EXT1: variants seen among roughly 807,000 people sequenced by gnomAD.
The protein encoded by EXT1 is exostosin-1.
In EXT1, 20 loss-of-function variants were observed where a neutral mutation model predicts 82.5. The ratio of observed to expected loss-of-function variants is 0.24; its 90% CI spans 0.17 to 0.35. The LOEUF is 0.35. Among genes scored for constraint, EXT1 ranks in the 10% least tolerant of loss-of-function variants. The pLI, the probability that EXT1 is intolerant of heterozygous loss-of-function variation, is 1.00. For synonymous variants in EXT1, 348 were observed against 350.8 expected, an observed-to-expected ratio of 0.99 and a Z score of 0.09; for missense variants, 757 against 936.5, an observed-to-expected ratio of 0.81 and a Z score of 2.50.
chr8:118,027,643 T>C (rs1053485202), intron 1 of EXT1, among the ~76,000 whole-genome samples: 3 of 152,224 alleles, frequency 2.0e-5, no homozygotes, highest in East Asian at 1.9e-4. Context: ...CTCTTAGCAA[T>C]TGTCTAGAGA....
chr8:118,041,800 T>C (rs1240650294), intron 1 of EXT1, among the ~76,000 whole-genome samples: 1 of 151,794 alleles, frequency 6.6e-6, no homozygotes, highest in Non-Finnish European at 1.5e-5. Context: ...ATACAAAAAT[T>C]AGCTCGGCGT....
intron 1 of EXT1, among the ~76,000 whole-genome samples, chr8:117,861,504 T>G (rs1253292166): frequency 0.012 from 1,538 of 129,222 alleles, 61 homozygotes; most frequent in Non-Finnish European, 0.017. Context: ...TTTTTTTTTT[T>G]TTTTTTTTGA....
intron 1 of EXT1, among the ~76,000 whole-genome samples, chr8:118,016,333 C>T (rs1010998121): frequency 1.3e-5 from 2 of 152,196 alleles, no homozygotes; most frequent in African/African-American, 2.4e-5. Context: ...GCAGAGGTTG[C>T]AGTGAGCCAA....
Position 117,889,319 on chromosome 8 carries a change from C to A in EXT1, c.963-52118G>T, listed in dbSNP as rs1043122848. Reference sequence around the variant, plus strand: ...TTTTCTGTCACTCCTAGCTATTTATCACCCTAATCCACACCGTAACTAATT... The same window carrying A: ...TTTTCTGTCACTCCTAGCTATTTATAACCCTAATCCACACCGTAACTAATT... On this transcript the variant is annotated intron_variant, in intron 1 of 10. Transcript: ENST00000378204. Among the ~76,000 whole-genome samples, 3 of 152,322 alleles carry A rather than the reference C, an allele frequency of 2.0e-5. No individual in the cohort carries two copies. In the East Asian group the frequency reaches 5.8e-4, roughly 29 times the overall value.
At chr8:118,021,398 C>T (rs1816100869) in intron 1 of EXT1, among the ~76,000 whole-genome samples, 1 of 152,212 alleles carries the variant, frequency 6.6e-6, no homozygotes, top group African/African-American at 2.4e-5. Context: ...TTTAATCTCT[C>T]TTTTGGGCTA....
chr8:118,092,261 C>G lies in EXT1; in HGVS notation c.962+17824G>C, dbSNP rs531356297. Among the ~76,000 whole-genome samples the G allele has an allele frequency of 3.9e-5, 6 of 152,214 alleles. No individual in the cohort carries two copies. In the East Asian group the frequency reaches 1.2e-3, roughly 29 times the overall value. ...GTATTTGAAAAGGAGATATAGAAAA[C>G]TAAAAGTCCAGAATATACCATATCT... is the stretch of plus-strand genomic sequence containing the variant. On this transcript the variant is annotated intron_variant, in intron 1 of 10. Coordinates refer to ENST00000378204, the MANE Select transcript of EXT1 (RefSeq NM_000127.3).
rs139946564 is a variant in EXT1 at position 118,016,355 on chromosome 8, C to T, written c.962+93730G>A. ...TTGCAGTGAGCCAAGATCACGCCAC[C>T]GTACTCCAGCCTGGGTGACTGAGAG... On this transcript the variant is annotated intron_variant, in intron 1 of 10. Transcript: ENST00000378204. Among the ~76,000 whole-genome samples the T allele has an allele frequency of 2.3e-3, 357 of 152,192 alleles. 1 individual carries two copies. Among genetic ancestry groups the T allele is most frequent in the African/African-American group, 8.0e-3 (332 of 41,528 alleles).
intron 1 of EXT1, among the ~76,000 whole-genome samples, chr8:117,933,961 G>A (rs1343749284): frequency 2.0e-5 from 3 of 152,032 alleles, no homozygotes; most frequent in African/African-American, 7.2e-5. Context: ...CCCCTCTCCT[G>A]GTTCCAGCTC....
At chr8:118,079,698 T>C (rs1001503109) in intron 1 of EXT1, among the ~76,000 whole-genome samples, 5 of 132,650 alleles carry the variant, frequency 3.8e-5, no homozygotes, top group South Asian at 5.6e-4. Flanking sequence ...CTCAACATTC[T>C]GGAAGGCCAA....
intron 1 of EXT1, among the ~76,000 whole-genome samples, chr8:118,085,308 T>A (rs909609676): frequency 6.6e-6 from 1 of 152,148 alleles, no homozygotes; most frequent in African/African-American, 2.4e-5. Context: ...ACCCTCCAGG[T>A]TGTGGTACTA....
intron 1 of EXT1, among the ~76,000 whole-genome samples, chr8:117,850,025 G>A (rs544615733): frequency 6.6e-6 from 1 of 152,324 alleles, no homozygotes; most frequent in South Asian, 2.1e-4. Context: ...CTGGCCATGA[G>A]TCCCAGTTTT....
In EXT1 at chr8:117,830,265, A is replaced by T; in HGVS notation, c.1249T>A (p.Ser417Thr). Residue 417 changes from serine to threonine, a missense_variant, in exon 4 of 11, where the codon TCT becomes ACT. This residue lies in a region of EXT1 where 207 missense variants were observed against 224.2 expected (regional missense o/e 0.92). Transcript: ENST00000378204. The part of the protein sequence containing the change: ...QTQFLWEAYF[S>T]SVEKIVLTTL... ...GTTAATACAATCTTCTCAACTGAAGAAAAATAAGCCTCCCACAAGAATTGT... is the reference window on the plus strand; with the variant it reads ...GTTAATACAATCTTCTCAACTGAAGTAAAATAAGCCTCCCACAAGAATTGT... The T allele has an allele frequency of 6.2e-7, 1 of 1,614,042 alleles. No individual in the cohort carries two copies. The highest frequency in any genetic ancestry group is 1.1e-5 in the South Asian group (1 of 91,080).
intron 1 of EXT1, among the ~76,000 whole-genome samples, chr8:117,854,776 T>G (rs1388501056): frequency 2.0e-5 from 3 of 152,170 alleles, no homozygotes; most frequent in Non-Finnish European, 4.4e-5. Context: ...ACACCAAGGC[T>G]GACAGAGATG....
intron 1 of EXT1, among the ~76,000 whole-genome samples, chr8:117,902,247 A>G (rs1813463384): frequency 6.6e-6 from 1 of 150,720 alleles, no homozygotes; most frequent in Non-Finnish European, 1.5e-5. Context: ...GCTGTTTTAC[A>G]GGTAACTTAA....
intron 1 of EXT1, among the ~76,000 whole-genome samples, chr8:117,923,695 C>T (rs1336270916): frequency 6.6e-6 from 1 of 150,574 alleles, no homozygotes; most frequent in Non-Finnish European, 1.5e-5. Context: ...CACTGCACTC[C>T]AGCTGGGGTG....
At position 117,900,205 on chromosome 8, in the gene EXT1, G is replaced by A. The variant is rs184172004; in HGVS notation, c.963-63004C>T. On this transcript the variant is annotated intron_variant, in intron 1 of 10. Transcript: ENST00000378204. ...GTCAGGAAAGATGACCAGAAATGACGCCTGAGCTGACTGATGGTCTGGAAG... is the reference window on the plus strand; with the variant it reads ...GTCAGGAAAGATGACCAGAAATGACACCTGAGCTGACTGATGGTCTGGAAG... Among the ~76,000 whole-genome samples, 7 of 152,274 alleles carry A rather than the reference G, an allele frequency of 4.6e-5. 1 individual carries two copies. The highest frequency in any genetic ancestry group is 4.6e-4 in the Admixed American group (7 of 15,298).
intron 1 of EXT1, among the ~76,000 whole-genome samples, chr8:117,895,098 C>T (rs927649539): frequency 2.0e-5 from 3 of 152,096 alleles, no homozygotes; most frequent in African/African-American, 7.2e-5. Context: ...ATCATGATGT[C>T]ATCTTAGATG....
intron 9 of EXT1, among the ~76,000 whole-genome samples, chr8:117,805,376 A>C (rs1183460455): frequency 2.6e-5 from 4 of 152,190 alleles, no homozygotes; most frequent in Admixed American, 2.6e-4. Context: ...TGAGTCCAAC[A>C]ATAGACTGTT....
intron 10 of EXT1, among the ~76,000 whole-genome samples, chr8:117,801,992 A>G (rs577651623): frequency 1.1e-4 from 17 of 152,352 alleles, no homozygotes; most frequent in African/African-American, 4.1e-4. Context: ...ATTCTGAGTC[A>G]ACCAACATCT....
Sources: allele counts gnomAD v4.1 joint callset (sites outside exome capture counted in the v4.1 genomes callset), GRCh38; gene constraint gnomAD v4.1.1; regional missense constraint gnomAD v4.1.1; transcripts MANE v1.5; gene names NCBI Gene and HGNC (gene_info 2026-07-23, HGNC 2026-07-21).